MYLK4: variants seen among roughly 807,000 people sequenced by gnomAD.
MYLK4 encodes the protein caMLCK like.
MYLK4 carries 46 observed loss-of-function variants against 48.1 expected under a neutral mutation model. The observed-to-expected ratio is 0.96, with a 90% CI of 0.75 to 1.22. The LOEUF (loss-of-function observed/expected upper bound fraction) is 1.22, where lower values mean the gene tolerates loss of function less well. Among genes scored for constraint, MYLK4 ranks in the 50% most tolerant of loss-of-function variants. MYLK4 has a pLI of 0.00. For missense variants in MYLK4, 451 were observed against 486.1 expected (o/e 0.93, Z 0.68); for synonymous variants, 170 against 180.8 (o/e 0.94, Z 0.48).
chr6:2,723,917 C>T (rs1250956508), intron 2 of MYLK4, among the ~76,000 whole-genome samples: 2 of 152,120 alleles, frequency 1.3e-5, no homozygotes. Flanking sequence ...CACTCTGTCA[C>T]CCAGACTGGA....
chr6:2,729,455 T>C (rs554392107), intron 2 of MYLK4, among the ~76,000 whole-genome samples: 7 of 152,376 alleles, frequency 4.6e-5, no homozygotes, highest in African/African-American at 7.2e-5. Context: ...CAAATAACTT[T>C]GGTTTGTGTA....
chr6:2,670,801 G>A (rs115815723), intron 12 of MYLK4, among the ~76,000 whole-genome samples: 13 of 152,186 alleles, frequency 8.5e-5, no homozygotes, highest in South Asian at 2.1e-4. Flanking sequence ...AGAAACACCC[G>A]AGGGAACCAC....
In MYLK4 at chr6:2,683,120, G is replaced by A; in HGVS notation, c.588C>T (p.Ser196=). The change falls in exon 7 of 13, where the codon AGC becomes AGT. Residue 196 remains serine, a synonymous_variant. Transcript: ENST00000274643. ...TGGTATCAAGCTCCGTCAAATTGTA[G>A]CTCTCATCGATGATGCGGTCAAACA... ...GELFDRIIDE[S]YNLTELDTIL... is the part of the protein sequence containing the mutation. The A allele has an allele frequency of 6.2e-7, 1 of 1,614,102 alleles. No individual in the cohort carries two copies. The highest frequency in any genetic ancestry group is 8.5e-7 in the Non-Finnish European group (1 of 1,180,026).
At chr6:2,671,517 C>A (rs1464686928) in intron 11 of MYLK4, among the ~76,000 whole-genome samples, 169 bp from the exon 12 acceptor site, 1 of 152,172 alleles carries the variant, frequency 6.6e-6, no homozygotes, top group Non-Finnish European at 1.5e-5. Context: ...CACCGGCCAA[C>A]CTCAGAGTCC....
chr6:2,716,275 AC>A (rs1393872908), intron 2 of MYLK4, among the ~76,000 whole-genome samples: 1 of 152,098 alleles, frequency 6.6e-6, no homozygotes, highest in East Asian at 1.9e-4. Context: ...ATCATAAATC[AC>A]CCCTTCATAG....
the MYLK4 span, chr6:2,765,533 G>T: frequency 7.6e-7 from 1 of 1,307,738 alleles, no homozygotes; most frequent in South Asian, 2.0e-5. Flanking sequence ...AGGGTCTCGC[G>T]GCGCGGGGCC....
intron 2 of MYLK4, among the ~76,000 whole-genome samples, chr6:2,694,621 TGGC>T (rs1266734007): frequency 8.1e-5 from 10 of 122,866 alleles, no homozygotes; most frequent in Non-Finnish European, 1.8e-4. Flanking sequence ...GTAGTGGTGA[TGGC>T]GGTTGTAGTG....
intron 2 of MYLK4, among the ~76,000 whole-genome samples, chr6:2,708,513 CT>C (rs1213751619): frequency 6.6e-6 from 1 of 152,184 alleles, no homozygotes; most frequent in Non-Finnish European, 1.5e-5. Context: ...ATTATCCAAT[CT>C]CAAAAAACTA....
intron 2 of MYLK4, among the ~76,000 whole-genome samples, chr6:2,718,640 G>T (rs1019861414): frequency 6.6e-6 from 1 of 152,162 alleles, no homozygotes; most frequent in Non-Finnish European, 1.5e-5. Flanking sequence ...TCTTTATTGT[G>T]AGGGCCGATA....
chr6:2,757,225 C>T, the MYLK4 span, among the ~76,000 whole-genome samples: 2 of 151,330 alleles, frequency 1.3e-5, no homozygotes, highest in African/African-American at 4.9e-5. Context: ...TAATAGGTCG[C>T]GAGCTTTTAT....
At chr6:2,763,324 C>G in the MYLK4 span, among the ~76,000 whole-genome samples, 290 of 152,358 alleles carry the variant, frequency 1.9e-3, no homozygotes, top group African/African-American at 6.3e-3. Context: ...GCTAGTCCCA[C>G]GTAATGAGCC....
the MYLK4 span, among the ~76,000 whole-genome samples, chr6:2,762,342 G>A: frequency 3.3e-5 from 5 of 152,114 alleles, no homozygotes; most frequent in Admixed American, 6.5e-5. Context: ...CGTCCTAAGA[G>A]ACTTAAGGTA....
At chr6:2,670,766 A>G (rs1760855512) in intron 12 of MYLK4, among the ~76,000 whole-genome samples, 1 of 152,074 alleles carries the variant, frequency 6.6e-6, no homozygotes, top group African/African-American at 2.4e-5. Context: ...AGCTCAGGGG[A>G]TTAAAAAACA....
rs1760539593 is a variant in MYLK4 at position 2,663,852 on chromosome 6, A to ACATTACACAT, written c.*4072_*4073insATGTGTAATG. On this transcript the variant is annotated 3_prime_UTR_variant, in exon 13 of 13. Transcript: ENST00000274643. ...TCACTGACATCTATCAGCTGAGACG[A>ACATTACACAT]CAGCAAAATACACATTAGGTAACAT... is the stretch of plus-strand genomic sequence containing the variant. 1 of 152,614 alleles carries ACATTACACAT rather than the reference A, an allele frequency of 6.6e-6. No homozygotes were observed. Among genetic ancestry groups the ACATTACACAT allele is most frequent in the Non-Finnish European group, 1.5e-5 (1 of 68,042 alleles). The allele number at this position is 152,614 out of a possible 1,614,324, so 9.5% of individuals were successfully genotyped here. A position where few individuals can be genotyped will look rare whatever the true frequency, so the allele number is the denominator to read the frequency against.
the MYLK4 span, among the ~76,000 whole-genome samples, chr6:2,758,473 G>C: frequency 6.6e-6 from 1 of 151,202 alleles, no homozygotes; most frequent in Non-Finnish European, 1.5e-5. Context: ...ATCTTTTATT[G>C]AAAGATATAC....
chr6:2,769,610 G>A, the MYLK4 span, among the ~76,000 whole-genome samples: 3 of 152,034 alleles, frequency 2.0e-5, no homozygotes, highest in African/African-American at 7.3e-5. Context: ...TTCTGACGAG[G>A]CGTTAGCATT....
chr6:2,734,125 C>A (rs150166404), intron 2 of MYLK4, among the ~76,000 whole-genome samples: 267 of 152,310 alleles, frequency 1.8e-3, no homozygotes, highest in African/African-American at 5.8e-3. Context: ...TGGTATTCAG[C>A]TGCTCCATGC....
At chr6:2,748,106 T>C (rs763157602) in intron 2 of MYLK4, among the ~76,000 whole-genome samples, 82 of 152,246 alleles carry the variant, frequency 5.4e-4, no homozygotes, top group Non-Finnish European at 1.6e-4. Flanking sequence ...TAGTGTTTTT[T>C]AGAACAGTAG....
At chr6:2,714,505 G>A (rs1345924410) in intron 2 of MYLK4, among the ~76,000 whole-genome samples, 1 of 152,230 alleles carries the variant, frequency 6.6e-6, no homozygotes, top group South Asian at 2.1e-4. Context: ...GCTGACTAAC[G>A]TCACTGGCTC....
Sources: gnomAD v4.1 joint callset for allele counts (sites outside exome capture counted in the v4.1 genomes callset) on GRCh38, gnomAD v4.1.1 for gene constraint, MANE v1.5 for transcripts, NCBI Gene and HGNC (gene_info 2026-07-23, HGNC 2026-07-21) for gene names.